The following RGS7 variants were observed in gnomAD, a reference collection of about 807,000 sequenced individuals.
RGS7 encodes the protein regulator of G-protein signaling 7.
In RGS7, 27 loss-of-function variants were observed where a neutral mutation model predicts 81.1. The observed-to-expected ratio is 0.33, with a 90% CI of 0.25 to 0.46. The LOEUF is 0.46. RGS7 is among the 20% of genes least tolerant of loss of function. The pLI is 1.00. For missense variants in RGS7, 396 were observed against 607.4 expected (o/e 0.65, Z 3.66); for synonymous variants, 208 against 207.7 (o/e 1.00, Z -0.01).
At chr1:241,135,983 TGTTA>T (rs1161054855) in intron 2 of RGS7, among the ~76,000 whole-genome samples, 2 of 151,894 alleles carry the variant, frequency 1.3e-5, no homozygotes, top group Non-Finnish European at 2.9e-5. Flanking sequence ...AAAACTAGTT[TGTTA>T]TTCTAAGAAA....
intron 9 of RGS7, among the ~76,000 whole-genome samples, chr1:240,863,898 A>T (rs969572754): frequency 1.3e-5 from 2 of 152,184 alleles, no homozygotes; most frequent in African/African-American, 4.8e-5. Context: ...GGACTATTGC[A>T]TTCTATTTAT....
chr1:240,944,282 GTATATATATATATATATATATATATATA>G (rs760788169), intron 4 of RGS7, among the ~76,000 whole-genome samples: 19 of 55,826 alleles, frequency 3.4e-4, no homozygotes, highest in East Asian at 1.4e-3. Context: ...GTGTGTGTGT[GTATATATATATATATATATATATATATA>G]TATATATATA....
chr1:240,968,711 T>C (rs1682735769), intron 4 of RGS7, among the ~76,000 whole-genome samples: 1 of 152,188 alleles, frequency 6.6e-6, no homozygotes, highest in African/African-American at 2.4e-5. Context: ...CTGTCTTGTG[T>C]GGTTTGAGAC....
At chr1:240,807,699 C>G (rs1291705759) in intron 14 of RGS7, among the ~76,000 whole-genome samples, 1 of 152,124 alleles carries the variant, frequency 6.6e-6, no homozygotes, top group Non-Finnish European at 1.5e-5. Flanking sequence ...CAAGACCTTT[C>G]CCTCTTAAAA....
chr1:241,328,492 C>T (rs971494513), intron 2 of RGS7, among the ~76,000 whole-genome samples: 2 of 152,316 alleles, frequency 1.3e-5, no homozygotes, highest in East Asian at 1.9e-4. Context: ...GACTGGAAAT[C>T]AAGTCTTTGT....
At chr1:240,926,996 A>G (rs1274829082) in intron 6 of RGS7, among the ~76,000 whole-genome samples, 1 of 152,196 alleles carries the variant, frequency 6.6e-6, no homozygotes. Context: ...CCTACTTGGT[A>G]AGTTTAAACT....
At chr1:240,851,576 G>T (rs1441843389) in intron 9 of RGS7, among the ~76,000 whole-genome samples, 3 of 152,276 alleles carry the variant, frequency 2.0e-5, no homozygotes, top group East Asian at 3.9e-4. Context: ...CATTTGTAAG[G>T]CTACAGCTAT....
chr1:241,181,239 T>A (rs1013253191), intron 2 of RGS7, among the ~76,000 whole-genome samples: 1 of 152,152 alleles, frequency 6.6e-6, no homozygotes. Flanking sequence ...TGTAGGTTCA[T>A]TAATTGAAAA....
intron 2 of RGS7, among the ~76,000 whole-genome samples, chr1:241,218,562 C>G (rs1312083530): frequency 6.6e-6 from 1 of 152,224 alleles, no homozygotes; most frequent in East Asian, 1.9e-4. Flanking sequence ...GCTGTTGAAA[C>G]AGACTGCTGC....
intron 6 of RGS7, among the ~76,000 whole-genome samples, chr1:240,883,295 C>T (rs1190289395): frequency 1.3e-5 from 2 of 151,794 alleles, no homozygotes; most frequent in Non-Finnish European, 2.9e-5. Flanking sequence ...CAAACCTGTA[C>T]GTTGTGCACA....
chr1:241,224,512 T>C (rs1224297399), intron 2 of RGS7, among the ~76,000 whole-genome samples: 1 of 152,106 alleles, frequency 6.6e-6, no homozygotes, highest in African/African-American at 2.4e-5. Context: ...GACATTTATA[T>C]AACATATATT....
At chr1:241,289,117 T>C (rs1017474016) in intron 2 of RGS7, among the ~76,000 whole-genome samples, 4 of 152,358 alleles carry the variant, frequency 2.6e-5, no homozygotes, top group South Asian at 4.1e-4. Flanking sequence ...AGGAATGCTC[T>C]TCTTGGAGCA....
At chr1:240,918,236 C>G (rs936410441) in intron 6 of RGS7, among the ~76,000 whole-genome samples, 1 of 151,922 alleles carries the variant, frequency 6.6e-6, no homozygotes, top group Non-Finnish European at 1.5e-5. Flanking sequence ...AACTAAGCAG[C>G]ACCATCAATC....
chr1:241,285,699 T>C (rs930814943), intron 2 of RGS7, among the ~76,000 whole-genome samples: 3 of 152,166 alleles, frequency 2.0e-5, no homozygotes, highest in South Asian at 2.1e-4. Flanking sequence ...TCAAACAGTA[T>C]ACTAGAACTG....
chr1:240,980,786 G>A (rs1167876878), intron 4 of RGS7, among the ~76,000 whole-genome samples: 1 of 151,878 alleles, frequency 6.6e-6, no homozygotes, highest in Non-Finnish European at 1.5e-5. Flanking sequence ...TTTTGTCTAG[G>A]GTGAATTACT....
At chr1:241,178,808 G>C (rs1009030626) in intron 2 of RGS7, among the ~76,000 whole-genome samples, 10 of 152,182 alleles carry the variant, frequency 6.6e-5, no homozygotes, top group Admixed American at 1.3e-4. Context: ...CTCAAGATGT[G>C]TGGGATTATA....
rs147931990 is a variant in RGS7, at chr1:241,298,795, G to A, written c.78+56904C>T. Among the ~76,000 whole-genome samples, 536 of 152,170 alleles carry A rather than the reference G, an allele frequency of 3.5e-3. 1 individual carries two copies. The highest frequency in any genetic ancestry group is 0.012 in the African/African-American group (500 of 41,500). On this transcript the variant is annotated intron_variant, in intron 2 of 18. Transcript: ENST00000440928. ...AGGCGATCCATGCTGGCCATTAATC[G>A]GCAGTGGCAATATCAGTAAAGTCAA...
chr1:240,959,845 T>C (rs1187618077), intron 4 of RGS7, among the ~76,000 whole-genome samples: 1 of 152,152 alleles, frequency 6.6e-6, no homozygotes, highest in Non-Finnish European at 1.5e-5. Context: ...AGTTCACGCT[T>C]AAATACATTT....
At chr1:240,894,424 T>C (rs1402029835) in intron 6 of RGS7, among the ~76,000 whole-genome samples, 2 of 152,144 alleles carry the variant, frequency 1.3e-5, no homozygotes, top group African/African-American at 2.4e-5. Flanking sequence ...CTCTCATGTG[T>C]TCTCTTCTGG....
Sources: allele counts gnomAD v4.1 joint callset (sites outside exome capture counted in the v4.1 genomes callset), GRCh38; gene constraint gnomAD v4.1.1; transcripts MANE v1.5; gene names NCBI Gene and HGNC (gene_info 2026-07-23, HGNC 2026-07-21).